GRIP2: variants seen among roughly 807,000 people sequenced by gnomAD.
GRIP2 encodes glutamate receptor interacting protein 2.
GRIP2 carries 58 observed loss-of-function variants against 108.3 expected under a neutral mutation model. That is an observed-to-expected ratio of 0.54 (90% confidence interval 0.43 to 0.67). GRIP2 has a LOEUF of 0.67. Among genes scored for constraint, GRIP2 ranks in the 30% least tolerant of loss-of-function variants. The pLI is 0.00. For missense variants in GRIP2, 1,278 were observed against 1,430.6 expected, an observed-to-expected ratio of 0.89 and a Z score of 1.72; for synonymous variants, 586 against 598.2, an observed-to-expected ratio of 0.98 and a Z score of 0.30.
intron 1 of GRIP2, among the ~76,000 whole-genome samples, chr3:14,549,839 C>A (rs9310449): frequency 0.81 from 122,476 of 152,114 alleles, 49,426 homozygotes; most frequent in South Asian, 0.9. Context: ...AATCACAGTT[C>A]AATTCACACA....
At position 14,509,796 on chromosome 3, in the gene GRIP2, C is replaced by T. The variant is rs370108204; in HGVS notation, c.2078+24G>A. 49 of 1,430,746 alleles carry T rather than the reference C, an allele frequency of 3.4e-5. No homozygotes were observed. The Middle Eastern group carries it at 2.3e-3, about 67-fold the overall frequency. The allele number at this position is 1,430,746 out of a possible 1,614,324, so 88.6% of individuals were successfully genotyped here. A position where few individuals can be genotyped will look rare whatever the true frequency, so the allele number is the denominator to read the frequency against. The stretch of plus-strand genomic sequence containing the variant: ...TCCTGTGTTCCCTGAGCCCACCATG[C>T]GTCCCCACAGAGCCCCAGTTCACCT... On this transcript the variant is annotated intron_variant, in intron 17 of 23. Coordinates refer to ENST00000621039, the MANE Select transcript of GRIP2 (RefSeq NM_001080423.4).
At chr3:14,524,758 G>C (rs1344485107) in intron 3 of GRIP2, among the ~76,000 whole-genome samples, 1 of 152,184 alleles carries the variant, frequency 6.6e-6, no homozygotes, top group Non-Finnish European at 1.5e-5. Flanking sequence ...CCCTTCGCTG[G>C]TCTGCCTGCT....
chr3:14,508,377 G>A (rs1693988299), intron 17 of GRIP2, among the ~76,000 whole-genome samples: 1 of 152,226 alleles, frequency 6.6e-6, no homozygotes, highest in Non-Finnish European at 1.5e-5. Flanking sequence ...TGTGGGGATG[G>A]GGCAGGAAGG....
At chr3:14,515,989 T>A (rs1011022896) in intron 11 of GRIP2, among the ~76,000 whole-genome samples, 1 of 152,100 alleles carries the variant, frequency 6.6e-6, no homozygotes, top group African/African-American at 2.4e-5. Context: ...CTATGCCCCA[T>A]AATTAATTAA....
chr3:14,602,424 G>C, the GRIP2 span, among the ~76,000 whole-genome samples: 1 of 152,062 alleles, frequency 6.6e-6, no homozygotes. This position sits in a 1 kb window ranked among gnomAD's most constrained non-coding sequence, Gnocchi z 4.7. Flanking sequence ...GTGGCGCCGG[G>C]CGTTCAAAGG....
At chr3:14,498,096 A>G (rs1693664573) in intron 21 of GRIP2, among the ~76,000 whole-genome samples, 1 of 152,280 alleles carries the variant, frequency 6.6e-6, no homozygotes, top group African/African-American at 2.4e-5. Flanking sequence ...ATTAGTGCAT[A>G]GTTCTATCTG....
chr3:14,491,753 A>G lies in GRIP2; in HGVS notation c.*1912T>C, dbSNP rs1701342584. The G allele has an allele frequency of 6.6e-6, 1 of 152,330 alleles. No homozygotes were observed. Among genetic ancestry groups the G allele is most frequent in the Admixed American group, 6.5e-5 (1 of 15,280 alleles). 9.4% of individuals were successfully genotyped at this position (152,330 alleles called of 1,614,324 possible). On this transcript the variant is annotated 3_prime_UTR_variant, in exon 24 of 24. Coordinates refer to ENST00000621039, the MANE Select transcript of GRIP2 (RefSeq NM_001080423.4). ...GCCCTGTTGCTTAGCAGAGGTCCAG[A>G]GAGGCTGAGCCACCTGTCCAAGGTC...
chr3:14,542,099 A>G (rs1296473472), upstream of GRIP2: 3 of 1,321,570 alleles, frequency 2.3e-6, no homozygotes, highest in Admixed American at 6.2e-5. Context: ...AGGCAGTTGG[A>G]GTTAGATCTG....
At position 14,524,534 on chromosome 3, in the gene GRIP2, C is replaced by G; in HGVS notation, c.262G>C (p.Asp88His). The change falls in exon 4 of 24, where the codon GAT (aspartate) becomes CAT (histidine). Residue 88 changes from aspartate (D) to histidine (H), a missense_variant. Asp to His is a moderately conservative substitution (Grantham distance 81). Transcript: ENST00000621039. Reference protein sequence around the residue: ...LRPGGLAARSDLLNIGDYIRS... With the variant: ...LRPGGLAARSHLLNIGDYIRS... ...ATATAGTCACCAATGTTCAGCAGAT[C>G]ACTCCTAGAGCAGGAAGGCCAGGGC... 6.4e-7 allele frequency: 1 copy of G among 1,552,400 alleles called. No homozygotes were observed. Among genetic ancestry groups the G allele is most frequent in the Non-Finnish European group, 8.7e-7 (1 of 1,147,372 alleles).
chr3:14,515,030 G>A (rs1013103188), intron 11 of GRIP2, among the ~76,000 whole-genome samples: 1 of 152,180 alleles, frequency 6.6e-6, no homozygotes, highest in Non-Finnish European at 1.5e-5. Flanking sequence ...AGGCAACCGC[G>A]AATCTACTTT....
intron 1 of GRIP2, among the ~76,000 whole-genome samples, chr3:14,547,313 C>T (rs1244559563): frequency 2.0e-5 from 3 of 152,136 alleles, no homozygotes; most frequent in Non-Finnish European, 4.4e-5. Flanking sequence ...TGCAAGGGCA[C>T]ACACAGACGG....
chr3:14,523,840 G>A (rs962438622), intron 4 of GRIP2, 142 bp from the exon 5 acceptor site: 27 of 649,840 alleles, frequency 4.2e-5, no homozygotes, highest in South Asian at 1.3e-4. Context: ...TTTACAGGTC[G>A]AACAAGTGAG....
chr3:14,512,229 A>AT lies in GRIP2; in HGVS notation c.1720+547dup, dbSNP rs1694117917. ...GGCTTGAGTTGGGGAGAGTCGGGAG[A>AT]TGAGGTCAGAGGTCATGGGGTCCAG... is the stretch of plus-strand genomic sequence containing the variant. On this transcript the variant is annotated intron_variant, in intron 14 of 23. Coordinates refer to ENST00000621039, the MANE Select transcript of GRIP2 (RefSeq NM_001080423.4). The surrounding 1 kb of genome is among the most constrained non-coding windows in gnomAD (Gnocchi z 5.1). Among the ~76,000 whole-genome samples the AT allele has an allele frequency of 6.6e-6, 1 of 152,032 alleles. No homozygotes were observed. Among genetic ancestry groups the AT allele is most frequent in the African/African-American group, 2.4e-5 (1 of 41,384 alleles).
intron 20 of GRIP2, chr3:14,503,896 G>A (rs577021522): frequency 2.7e-5 from 15 of 565,138 alleles, no homozygotes; most frequent in South Asian, 8.2e-5. Context: ...CAGGACTGTC[G>A]GTGGCCAGTT....
At chr3:14,562,821 G>A in the GRIP2 span, among the ~76,000 whole-genome samples, 3 of 152,240 alleles carry the variant, frequency 2.0e-5, no homozygotes, top group African/African-American at 4.8e-5. Context: ...CAGATGGGAT[G>A]TGGAAGGAAG....
chr3:14,526,942 T>A (rs997544274), intron 1 of GRIP2, among the ~76,000 whole-genome samples: 3 of 152,130 alleles, frequency 2.0e-5, no homozygotes, highest in African/African-American at 7.2e-5. Flanking sequence ...ATCTCAACAC[T>A]TTGGGAGGCC....
At chr3:14,503,420 C>A in intron 21 of GRIP2, 146 bp downstream of exon 21, 1 of 624,946 alleles carries the variant, frequency 1.6e-6, no homozygotes. Context: ...GTGAAGACAC[C>A]TTTTCCCACA....
intron 5 of GRIP2, 98 bp downstream of exon 5, chr3:14,523,514 T>C (rs1694469732): frequency 2.5e-6 from 2 of 809,612 alleles, no homozygotes; most frequent in African/African-American, 1.7e-5. Context: ...AGAACTGAGA[T>C]ACACATAAAT....
chr3:14,563,216 G>A, the GRIP2 span, among the ~76,000 whole-genome samples: 3 of 152,102 alleles, frequency 2.0e-5, no homozygotes, highest in East Asian at 5.8e-4. Flanking sequence ...CTGCTGGGTT[G>A]CTGCTGCTGT....
Sources: allele counts gnomAD v4.1 joint callset (sites outside exome capture counted in the v4.1 genomes callset), GRCh38; gene constraint gnomAD v4.1.1; non-coding constraint Gnocchi (gnomAD v3.1); transcripts MANE v1.5; gene names NCBI Gene and HGNC (gene_info 2026-07-23, HGNC 2026-07-21).